The following TRIM31 variants were observed in gnomAD, a reference collection of about 807,000 sequenced individuals.
TRIM31 encodes tripartite motif containing 31, also known as E3 ubiquitin-protein ligase TRIM31.
In TRIM31, 31 loss-of-function variants were observed where a neutral mutation model predicts 40.6. That is an observed-to-expected ratio of 0.76 (90% CI 0.57 to 1.03). The LOEUF (loss-of-function observed/expected upper bound fraction) is 1.03, where lower values mean the gene tolerates loss of function less well. Among genes scored for constraint, TRIM31 ranks in the 50% least tolerant of loss-of-function variants. The pLI is 0.00. For synonymous variants in TRIM31, 164 were observed against 193.9 expected (o/e 0.85, Z 1.28); for missense variants, 455 against 497.5 (o/e 0.91, Z 0.81).
chr6:30,112,535 T>A lies in TRIM31; in HGVS notation c.271A>T (p.Lys91Ter). 6.2e-7 allele frequency: 1 copy of A among 1,613,146 alleles called. No homozygotes were observed. Among genetic ancestry groups the A allele is most frequent in the Middle Eastern group, 1.6e-4 (1 of 6,062 alleles). Residue 91 changes from lysine to a stop codon, truncating the protein, a stop_gained, in exon 2 of 9, where the codon AAA becomes TAA. Transcript: ENST00000376734. LOFTEE classifies it high-confidence loss of function. ...TGGTGCCTCGGGCATGTAGCCTCTT[T>A]CCTTTTGGACTGCACCTCAGAGGCT... Reference protein sequence around the residue: ...LQASEVQSKRKEATCPRHQEM... With the variant: ...LQASEVQSKR
chr6:30,107,165 G>T (rs1049679969), intron 6 of TRIM31, among the ~76,000 whole-genome samples: 2 of 152,150 alleles, frequency 1.3e-5, no homozygotes, highest in African/African-American at 4.8e-5. Context: ...GCCCAGTGGG[G>T]TGGGAGGAGC....
chr6:30,110,510 G>C lies in TRIM31; in HGVS notation c.682C>G (p.Leu228Val). The C allele has an allele frequency of 1.2e-6, 2 of 1,614,176 alleles. No individual in the cohort carries two copies. Among genetic ancestry groups the C allele is most frequent in the South Asian group, 2.2e-5 (2 of 91,080 alleles). ...VASTEPQLND[L>V]KKLVDSLKTK... ...TTCAGGGAATCAACGAGCTTCTTGA[G>C]ATCGTTCAACTGTGGCTCAGTGGAG... The change falls in exon 4 of 9, where the codon CTC (leucine) becomes GTC (valine). Residue 228 changes from leucine to valine, a missense_variant. Physicochemically the swap from Leu to Val is conservative, Grantham distance 32. Transcript: ENST00000376734.
Position 30,103,610 on chromosome 6 carries a change from C to T in TRIM31, c.1204G>A (p.Glu402Lys). The stretch of plus-strand genomic sequence containing the variant: ...TCACTCAGTGCCGCATGGAGCTCCT[C>T]GGACAGCGCAACGTCAAATGTCTTC... ...DTKTFDVALS[E>K]ELHAALSEWL... is the part of the protein sequence containing the mutation. Residue 402 changes from glutamate to lysine, a missense_variant, in exon 9 of 9, where the codon GAG (glutamate) becomes AAG (lysine). Glu to Lys is a moderately conservative substitution (Grantham distance 56, BLOSUM62 1). Coordinates refer to ENST00000376734, the MANE Select transcript of TRIM31 (RefSeq NM_007028.5). 1.2e-6 allele frequency: 2 copies of T among 1,613,060 alleles called. No individual in the cohort carries two copies. Among genetic ancestry groups the T allele is most frequent in the South Asian group, 1.1e-5 (1 of 91,076 alleles).
chr6:30,104,820 C>T lies in TRIM31; in HGVS notation c.958+348G>A, dbSNP rs192171435. Among the ~76,000 whole-genome samples the T allele has an allele frequency of 1.1e-4, 16 of 146,778 alleles. No homozygotes were observed. In the East Asian group the frequency reaches 3.1e-3, roughly 28 times the overall value. On this transcript the variant is annotated intron_variant, in intron 7 of 8. Transcript: ENST00000376734. ...CATCCCCTGAGCTGTACTGACCTCA[C>T]ACCCAGAGGAGTTTGCCTCGAAACC...
intron 4 of TRIM31, among the ~76,000 whole-genome samples, chr6:30,109,550 T>G (rs1346768844): frequency 2.0e-5 from 3 of 152,180 alleles, no homozygotes; most frequent in African/African-American, 7.2e-5. Flanking sequence ...GACAAAGAAC[T>G]GAATTTTTAA....
In TRIM31 at chr6:30,107,848, A is replaced by C. The variant is rs111288156; in HGVS notation, c.883+205T>G. On this transcript the variant is annotated intron_variant, in intron 6 of 8. Coordinates refer to ENST00000376734, the MANE Select transcript of TRIM31 (RefSeq NM_007028.5). ...GCTCTCGCAGGAGTCAGGGAGGCAG[A>C]TAAATAACATATCACAAAGACAGAA... 4,390 of 550,360 alleles carry C rather than the reference A, an allele frequency of 8.0e-3. 58 individuals are homozygous for C. Among genetic ancestry groups the C allele is most frequent in the Middle Eastern group, 0.029 (60 of 2,052 alleles). 34.1% of individuals were successfully genotyped at this position (550,360 alleles called of 1,614,324 possible).
chr6:30,104,454 C>T (rs995075440), intron 7 of TRIM31, among the ~76,000 whole-genome samples: 2 of 152,148 alleles, frequency 1.3e-5, no homozygotes, highest in Non-Finnish European at 2.9e-5. Flanking sequence ...ACCGGTAGCT[C>T]CTTTTGTGGA....
chr6:30,112,810 G>C lies in TRIM31; in HGVS notation c.-5C>G. ...CACAAACTGCCCACTGGCCATGACAGAACAACAGGGCTGTTTCAAGACTGT... is the reference window on the plus strand; with the variant it reads ...CACAAACTGCCCACTGGCCATGACACAACAACAGGGCTGTTTCAAGACTGT... On this transcript the variant is annotated 5_prime_UTR_variant, in exon 2 of 9. Transcript: ENST00000376734. 1 of 1,596,780 alleles carries C rather than the reference G, an allele frequency of 6.3e-7. No homozygotes were observed. Among genetic ancestry groups the C allele is most frequent in the Non-Finnish European group, 8.5e-7 (1 of 1,172,346 alleles).
intron 4 of TRIM31, among the ~76,000 whole-genome samples, chr6:30,109,857 A>G (rs759206145): frequency 6.6e-6 from 1 of 152,176 alleles, no homozygotes; most frequent in Admixed American, 6.5e-5. Context: ...GCAAGATTCC[A>G]TCTCAAAAAA....
intron 4 of TRIM31, 142 bp from the exon 5 acceptor site, chr6:30,109,190 C>T (rs147849788): frequency 0.012 from 9,357 of 770,754 alleles, 123 homozygotes; most frequent in Admixed American, 0.027. Context: ...ATCCTCCTCC[C>T]CTCTCCCCAC....
At chr6:30,104,204 T>C (rs769117263) in intron 7 of TRIM31, 37 bp from the exon 8 acceptor site, 2 of 1,605,636 alleles carry the variant, frequency 1.2e-6, no homozygotes, top group Admixed American at 3.3e-5. Context: ...TTGGTCTTGA[T>C]AACCAGAAGC....
At chr6:30,105,142 G>A in intron 7 of TRIM31, 26 bp downstream of exon 7, 1 of 1,602,216 alleles carries the variant, frequency 6.2e-7, no homozygotes, top group Non-Finnish European at 8.5e-7. Flanking sequence ...AATGGCAGAA[G>A]CAACCAACCA....
intron 5 of TRIM31, among the ~76,000 whole-genome samples, chr6:30,108,431 C>T (rs547677234): frequency 5.5e-4 from 84 of 151,910 alleles, no homozygotes; most frequent in Non-Finnish European, 1.0e-3. Context: ...TGGTGGCAAG[C>T]GCCTGTAGTC....
rs778798670 is a variant in TRIM31 at position 30,110,683 on chromosome 6, GA to G, written c.514-6del. The G allele has an allele frequency of 1.9e-5, 31 of 1,613,846 alleles. No homozygotes were observed. Among genetic ancestry groups the G allele is most frequent in the African/African-American group, 4.0e-5 (3 of 74,910 alleles). ...CTTCTCATGTTCTACCTGGTCCTAA[GA>G]AACAGGGACAGGCAGAGGGTGAGAG... On this transcript the variant is annotated splice_polypyrimidine_tract_variant and splice_region_variant and intron_variant, in intron 3 of 8. Coordinates refer to ENST00000376734, the MANE Select transcript of TRIM31 (RefSeq NM_007028.5).
chr6:30,111,653 A>G lies in TRIM31; in HGVS notation c.508T>C (p.Phe170Leu), dbSNP rs199773605. The change falls in exon 3 of 9, where the codon TTC (phenylalanine) becomes CTC (leucine). Residue 170 changes from phenylalanine to leucine, a missense_variant. By Grantham distance (22) the Phe-to-Leu change is conservative. Coordinates refer to ENST00000376734, the MANE Select transcript of TRIM31 (RefSeq NM_007028.5). ...KAQGVHRVDV[F>L]TDQVEHEKQR... Reference sequence around the variant, plus strand: ...TGGGATGGAGTTTTTCTTACCGTGAAGACATCGACCCTGTGTACACCTTGT... The same window carrying G: ...TGGGATGGAGTTTTTCTTACCGTGAGGACATCGACCCTGTGTACACCTTGT... The G allele has an allele frequency of 5.6e-6, 9 of 1,613,814 alleles. No homozygotes were observed. The highest frequency in any genetic ancestry group is 3.3e-4 in the Middle Eastern group (2 of 6,082).
chr6:30,105,082 C>T (rs565889293), intron 7 of TRIM31, 86 bp downstream of exon 7: 21 of 1,212,734 alleles, frequency 1.7e-5, no homozygotes, highest in Non-Finnish European at 2.3e-5. Context: ...TATATCTGGC[C>T]TTCATGTAAT....
rs528734398 is a variant in TRIM31, at chr6:30,106,554, A to G, written c.884-1312T>C. Among the ~76,000 whole-genome samples, 11 of 152,014 alleles carry G rather than the reference A, an allele frequency of 7.2e-5. No homozygotes were observed. The South Asian group carries it at 1.7e-3, about 23-fold the overall frequency. ...TAGGCTTTAATAGGGCCAGGTGGCC[A>G]TTGTGCCTTCTTCTTTGGGGTAAAA... is the stretch of plus-strand genomic sequence containing the variant. On this transcript the variant is annotated intron_variant, in intron 6 of 8. Coordinates refer to ENST00000376734, the MANE Select transcript of TRIM31 (RefSeq NM_007028.5).
At chr6:30,111,030 C>CTGTTTTTTTTTTTTT (rs1769254549) in intron 3 of TRIM31, among the ~76,000 whole-genome samples, 1 of 114,310 alleles carries the variant, frequency 8.7e-6, no homozygotes, top group Non-Finnish European at 1.8e-5. Flanking sequence ...TTCCTTCTGT[C>CTGTTTTTTTTTTTTT]TTTTTTTTTT....
In TRIM31 at chr6:30,112,866, G is replaced by T; in HGVS notation, c.-61C>A. On this transcript the variant is annotated 5_prime_UTR_variant, in exon 2 of 9. Transcript: ENST00000376734. ...GCTGTGCCAAGTCTGTAGGAGCCCC[G>T]GAGTCCACTGTGGATACTGTTTCTA... 2 of 1,506,042 alleles carry T rather than the reference G, an allele frequency of 1.3e-6. No individual in the cohort carries two copies. Among genetic ancestry groups the T allele is most frequent in the South Asian group, 2.7e-5 (2 of 75,314 alleles). 93.3% of individuals were successfully genotyped at this position (1,506,042 alleles called of 1,614,324 possible). A position where few individuals can be genotyped will look rare whatever the true frequency, so the allele number is the denominator to read the frequency against.
Sources: gnomAD v4.1 joint callset for allele counts (sites outside exome capture counted in the v4.1 genomes callset) on GRCh38, gnomAD v4.1.1 for gene constraint, MANE v1.5 for transcripts, NCBI Gene and HGNC (gene_info 2026-07-23, HGNC 2026-07-21) for gene names.